The following ANAPC1 variants were observed in gnomAD, a reference collection of about 807,000 sequenced individuals.
ANAPC1 encodes anaphase-promoting complex subunit 1.
ANAPC1 carries 36 observed loss-of-function variants against 208.0 expected under a neutral mutation model. The ratio of observed to expected loss-of-function variants is 0.17; its 90% CI spans 0.13 to 0.23. The LOEUF (loss-of-function observed/expected upper bound fraction) is 0.23, where lower values mean the gene tolerates loss of function less well. ANAPC1 is among the 10% of genes least tolerant of loss of function. The pLI is 1.00. For synonymous variants in ANAPC1, 378 were observed against 695.2 expected (o/e 0.54, Z 7.18); for missense variants, 942 against 2,011.6 (o/e 0.47, Z 10.17).
intron 10 of ANAPC1, among the ~76,000 whole-genome samples, chr2:111,859,930 T>C (rs1309223716): frequency 1.3e-5 from 2 of 152,220 alleles, no homozygotes; most frequent in South Asian, 2.1e-4. Context: ...AAATACAAAA[T>C]GGACTCAACA....
chr2:111,770,960 G>A (rs978035723), intron 47 of ANAPC1: 1 of 154,052 alleles, frequency 6.5e-6, no homozygotes, highest in Non-Finnish European at 1.5e-5. Flanking sequence ...GAATCCTGTA[G>A]ACTAAAAATT....
chr2:111,852,818 C>A (rs1296002561), intron 13 of ANAPC1, among the ~76,000 whole-genome samples: 2 of 151,296 alleles, frequency 1.3e-5, no homozygotes, highest in African/African-American at 4.9e-5. Context: ...CTTGTCTGAA[C>A]TCCTACATAA....
chr2:111,782,844 A>G (rs1016206111), intron 42 of ANAPC1, among the ~76,000 whole-genome samples: 33 of 152,310 alleles, frequency 2.2e-4, no homozygotes, highest in African/African-American at 7.7e-4. Flanking sequence ...GAGGTACTAA[A>G]TATCTATTAA....
At chr2:111,843,252 G>C (rs1573443861) in intron 17 of ANAPC1, among the ~76,000 whole-genome samples, 160 bp downstream of exon 17, 2 of 151,700 alleles carry the variant, frequency 1.3e-5, no homozygotes, top group East Asian at 3.9e-4. Flanking sequence ...TAAATATTAA[G>C]TGAGATTTTA....
intron 13 of ANAPC1, among the ~76,000 whole-genome samples, chr2:111,855,916 C>G (rs997005126): frequency 3.9e-5 from 6 of 152,144 alleles, no homozygotes; most frequent in African/African-American, 1.4e-4. Context: ...TGTATATTCT[C>G]TACGTACATT....
chr2:111,825,724 G>A, intron 22 of ANAPC1, 53 bp downstream of exon 22: 1 of 1,553,622 alleles, frequency 6.4e-7, no homozygotes, highest in Non-Finnish European at 8.8e-7. Context: ...TTTCAATTCT[G>A]ATACTGACAT....
chr2:111,846,534 C>CATATATATAT (rs1158119946), intron 16 of ANAPC1, among the ~76,000 whole-genome samples: 11 of 68,350 alleles, frequency 1.6e-4, no homozygotes, highest in African/African-American at 7.8e-4. Context: ...TATACATATA[C>CATATATATAT]ATATATATAT....
intron 10 of ANAPC1, among the ~76,000 whole-genome samples, chr2:111,861,415 A>C (rs1573485815): frequency 2.6e-5 from 4 of 152,078 alleles, no homozygotes; most frequent in Admixed American, 2.6e-4. Context: ...CTCTGCAAAA[A>C]CCAGAGTGGA....
At chr2:111,778,838 G>A in intron 44 of ANAPC1, 68 bp from the exon 45 acceptor site, 1 of 1,598,364 alleles carries the variant, frequency 6.3e-7, no homozygotes, top group Non-Finnish European at 8.5e-7. Context: ...GAATTGTATA[G>A]CACTACTATG....
At chr2:111,849,989 C>G (rs1427455784) in intron 14 of ANAPC1, among the ~76,000 whole-genome samples, 1 of 152,000 alleles carries the variant, frequency 6.6e-6, no homozygotes, top group Admixed American at 6.6e-5. Flanking sequence ...AGGTTTATTT[C>G]ATTTGTAACT....
intron 13 of ANAPC1, among the ~76,000 whole-genome samples, chr2:111,852,972 AG>A (rs1681490071): frequency 6.7e-6 from 1 of 150,356 alleles, no homozygotes; most frequent in South Asian, 2.1e-4. Flanking sequence ...TGAGTAACAG[AG>A]AGAGATACTG....
chr2:111,841,237 G>GGA (rs1680744012), intron 17 of ANAPC1, among the ~76,000 whole-genome samples: 1 of 151,742 alleles, frequency 6.6e-6, no homozygotes, highest in African/African-American at 2.4e-5. Flanking sequence ...CACAGGTCCT[G>GGA]GAGAGAGAGA....
downstream of ANAPC1, chr2:111,766,733 T>A (rs148228076): frequency 3.1e-6 from 1 of 326,882 alleles, no homozygotes; most frequent in Admixed American, 4.1e-5. Context: ...CTCTGACCCA[T>A]CTGCCCACAG....
chr2:111,873,958 A>G (rs890448067), intron 3 of ANAPC1, among the ~76,000 whole-genome samples: 5 of 152,228 alleles, frequency 3.3e-5, no homozygotes, highest in African/African-American at 1.2e-4. Flanking sequence ...AAGAATCAAA[A>G]AATCTACCAG....
intron 3 of ANAPC1, among the ~76,000 whole-genome samples, chr2:111,875,999 C>G (rs1659420210): frequency 1.3e-5 from 2 of 152,180 alleles, no homozygotes; most frequent in Admixed American, 1.3e-4. Flanking sequence ...TTCAGGTGAT[C>G]TGTTTGTTCT....
At chr2:111,875,635 A>G (rs1049630544) in intron 3 of ANAPC1, among the ~76,000 whole-genome samples, 3 of 152,144 alleles carry the variant, frequency 2.0e-5, no homozygotes, top group African/African-American at 7.2e-5. Context: ...ATCTCTTCTC[A>G]AAACACAAAA....
At chr2:111,876,593 T>C (rs985500893) in intron 3 of ANAPC1, among the ~76,000 whole-genome samples, 1 of 152,178 alleles carries the variant, frequency 6.6e-6, no homozygotes, top group African/African-American at 2.4e-5. Context: ...ACTTTTCACA[T>C]CTATACTAAC....
intron 46 of ANAPC1, among the ~76,000 whole-genome samples, chr2:111,775,212 G>C (rs1483009487): frequency 6.6e-6 from 1 of 152,218 alleles, no homozygotes; most frequent in African/African-American, 2.4e-5. Context: ...GTTGCAGTGA[G>C]CTGAGATCGC....
chr2:111,855,171 A>C (rs1051153174), intron 13 of ANAPC1, among the ~76,000 whole-genome samples: 1 of 152,198 alleles, frequency 6.6e-6, no homozygotes, highest in African/African-American at 2.4e-5. Context: ...AAAGGGGTCA[A>C]ATGATCAGAC....
Sources: gnomAD v4.1 joint callset for allele counts (sites outside exome capture counted in the v4.1 genomes callset) on GRCh38, gnomAD v4.1.1 for gene constraint, MANE v1.5 for transcripts, NCBI Gene and HGNC (gene_info 2026-07-23, HGNC 2026-07-21) for gene names.